The following MLLT10 variants were observed in gnomAD, a reference collection of about 807,000 sequenced individuals.
MLLT10 encodes the protein MLLT10 histone lysine methyltransferase DOT1L cofactor, also known as protein AF-10.
In MLLT10, 30 loss-of-function variants were observed where a neutral mutation model predicts 129.1. The observed-to-expected ratio is 0.23, with a 90% confidence interval of 0.17 to 0.32. The LOEUF (loss-of-function observed/expected upper bound fraction) is 0.32, where lower values mean the gene tolerates loss of function less well. MLLT10 is among the 10% of genes least tolerant of loss of function. The probability of loss-of-function intolerance (pLI) is 1.00; values close to 1 mark genes in which losing one functional copy is unlikely to be tolerated. For missense variants in MLLT10, 1,119 were observed against 1,268.3 expected (o/e 0.88, Z 1.79); for synonymous variants, 490 against 446.4 (o/e 1.10, Z -1.23).
chr10:21,542,955 GT>G (rs1191310771), intron 3 of MLLT10, among the ~76,000 whole-genome samples: 12 of 146,306 alleles, frequency 8.2e-5, no homozygotes, highest in African/African-American at 2.5e-5. Flanking sequence ...TGACATTAAG[GT>G]TTTTTTTTTG....
chr10:21,703,921 A>G (rs2055172447), intron 13 of MLLT10, among the ~76,000 whole-genome samples: 1 of 143,538 alleles, frequency 7.0e-6, no homozygotes, highest in Admixed American at 7.2e-5. Context: ...TGACTGGGTT[A>G]TTTCAAAAGA....
At chr10:21,607,600 C>A (rs1429784090) in intron 5 of MLLT10, among the ~76,000 whole-genome samples, 1 of 152,166 alleles carries the variant, frequency 6.6e-6, no homozygotes, top group Admixed American at 6.5e-5. Flanking sequence ...GGATTACAGG[C>A]GTGAGCCACC....
intron 13 of MLLT10, among the ~76,000 whole-genome samples, chr10:21,684,810 CCTT>C (rs2053123882): frequency 2.0e-5 from 3 of 152,274 alleles, no homozygotes; most frequent in South Asian, 4.1e-4. Context: ...CAGTCTCATC[CCTT>C]CTTCTCCCCG....
intron 5 of MLLT10, among the ~76,000 whole-genome samples, chr10:21,606,058 A>G (rs1235354586): frequency 3.3e-5 from 5 of 152,076 alleles, no homozygotes. Flanking sequence ...ATTATTTCAC[A>G]CATTTTCATT....
intron 3 of MLLT10, among the ~76,000 whole-genome samples, chr10:21,555,894 C>T (rs1416217933): frequency 1.3e-5 from 2 of 148,692 alleles, no homozygotes; most frequent in Non-Finnish European, 3.0e-5. Context: ...CTCGAACTCC[C>T]GACCTCAGGT....
intron 8 of MLLT10, among the ~76,000 whole-genome samples, chr10:21,623,874 A>G (rs1226100737): frequency 6.6e-6 from 1 of 152,206 alleles, no homozygotes; most frequent in Non-Finnish European, 1.5e-5. Flanking sequence ...GCAGTAACTG[A>G]TAGTGGTTAG....
intron 9 of MLLT10, among the ~76,000 whole-genome samples, chr10:21,654,908 C>T (rs1003931729): frequency 6.6e-6 from 1 of 152,084 alleles, no homozygotes; most frequent in African/African-American, 2.4e-5. Flanking sequence ...CATGGTGGCT[C>T]ATGCCTGTAG....
intron 11 of MLLT10, among the ~76,000 whole-genome samples, chr10:21,676,454 CT>C (rs1419457088): frequency 6.8e-6 from 1 of 148,098 alleles, no homozygotes; most frequent in Non-Finnish European, 1.5e-5. Context: ...GGCATGGTGA[CT>C]TACGCCTGTA....
Position 21,733,157 on chromosome 10 carries a change from G to C in MLLT10, c.2407+70G>C, listed in dbSNP as rs541790518. 2.6e-5 allele frequency: 37 copies of C among 1,399,524 alleles called. No individual in the cohort carries two copies. The African/African-American group carries it at 4.4e-4, about 16-fold the overall frequency. The allele number at this position is 1,399,524 out of a possible 1,614,324, so 86.7% of individuals were successfully genotyped here. A position where few individuals can be genotyped will look rare whatever the true frequency, so the allele number is the denominator to read the frequency against. Reference sequence around the variant, plus strand: ...TCAGTTTTATTTGTATTATAAGTGAGTAATAATTGGTCACCAGTTATATGA... The same window carrying C: ...TCAGTTTTATTTGTATTATAAGTGACTAATAATTGGTCACCAGTTATATGA... On this transcript the variant is annotated intron_variant, in intron 18 of 22. Transcript: ENST00000307729.
intron 9 of MLLT10, among the ~76,000 whole-genome samples, chr10:21,665,961 A>G (rs1044303205): frequency 6.6e-6 from 1 of 152,088 alleles, no homozygotes; most frequent in South Asian, 2.1e-4. Context: ...CCTGACTCCA[A>G]AAGTTCTGGA....
At chr10:21,607,051 G>T (rs2044133517) in intron 5 of MLLT10, among the ~76,000 whole-genome samples, 1 of 152,104 alleles carries the variant, frequency 6.6e-6, no homozygotes, top group African/African-American at 2.4e-5. Context: ...GAAGCCAGGA[G>T]TTTGAGACCA....
intron 17 of MLLT10, among the ~76,000 whole-genome samples, chr10:21,732,222 C>T (rs562109964): frequency 3.8e-4 from 58 of 152,328 alleles, no homozygotes; most frequent in African/African-American, 1.3e-3. Flanking sequence ...CGGCAACACT[C>T]TGTGTTGTTA....
At chr10:21,736,117 C>G (rs1351100773) in intron 21 of MLLT10, among the ~76,000 whole-genome samples, 2 of 152,044 alleles carry the variant, frequency 1.3e-5, no homozygotes, top group African/African-American at 4.8e-5. Flanking sequence ...TAATGATTTA[C>G]ATTTTAAAGG....
Position 21,665,313 on chromosome 10 carries a change from G to T in MLLT10, c.796-5136G>T, listed in dbSNP as rs1041696848. Among the ~76,000 whole-genome samples the T allele has an allele frequency of 4.0e-5, 5 of 126,102 alleles. 1 individual carries two copies. Among genetic ancestry groups the T allele is most frequent in the South Asian group, 2.7e-4 (1 of 3,724 alleles). The allele number at this position is 126,102 out of a possible 152,430, so 82.7% of individuals were successfully genotyped here. A position where few individuals can be genotyped will look rare whatever the true frequency, so the allele number is the denominator to read the frequency against. The stretch of plus-strand genomic sequence containing the variant: ...TGTTTGTTTTTTTTGGGGGGGGGGG[G>T]GTTTCACTCTTGTTGCCCAGGCTGG... On this transcript the variant is annotated intron_variant, in intron 9 of 22. Coordinates refer to ENST00000307729, the MANE Select transcript of MLLT10 (RefSeq NM_001195626.3).
chr10:21,638,493 A>T (rs534157956), intron 8 of MLLT10, among the ~76,000 whole-genome samples: 1 of 151,902 alleles, frequency 6.6e-6, no homozygotes, highest in East Asian at 1.9e-4. Context: ...TTTTCCTTTC[A>T]TGGGTCCAGG....
chr10:21,566,960 T>C (rs2039652893), intron 3 of MLLT10, among the ~76,000 whole-genome samples: 1 of 152,042 alleles, frequency 6.6e-6, no homozygotes, highest in Non-Finnish European at 1.5e-5. Flanking sequence ...ATTACAGGCA[T>C]GCACCACCAC....
At chr10:21,715,945 A>G (rs11012780) in intron 14 of MLLT10, among the ~76,000 whole-genome samples, 8,302 of 152,296 alleles carry the variant, frequency 0.055, 301 homozygotes, top group Non-Finnish European at 0.082. Context: ...TCAGCAGTAA[A>G]TGCTTTCTGT....
intron 5 of MLLT10, among the ~76,000 whole-genome samples, chr10:21,599,555 T>A (rs1406786211): frequency 6.6e-6 from 1 of 152,124 alleles, no homozygotes; most frequent in Non-Finnish European, 1.5e-5. Context: ...ACTCTTAATA[T>A]TTTTAATAGT....
rs557608706 is a variant in MLLT10, at chr10:21,740,726, TATTA to T, written c.3162+494_3162+497del. ...CTGTAATGGAATTCAAATTTTTAGT[TATTA>T]ATTTCATGTAAGTGATGGCATCGTA... On this transcript the variant is annotated intron_variant, in intron 22 of 22. Coordinates refer to ENST00000307729, the MANE Select transcript of MLLT10 (RefSeq NM_001195626.3). Among the ~76,000 whole-genome samples the T allele has an allele frequency of 4.6e-5, 7 of 152,346 alleles. No homozygotes were observed. The East Asian group carries it at 1.3e-3, about 29-fold the overall frequency.
Sources: allele counts gnomAD v4.1 joint callset (sites outside exome capture counted in the v4.1 genomes callset), GRCh38; gene constraint gnomAD v4.1.1; transcripts MANE v1.5; gene names NCBI Gene and HGNC (gene_info 2026-07-23, HGNC 2026-07-21).